The following EYA1 variants were observed in gnomAD, a reference collection of about 807,000 sequenced individuals.
EYA1 encodes EYA transcriptional coactivator and phosphatase 1.
Under a neutral mutation model 82.0 loss-of-function variants are expected in EYA1, and 16 were observed. That is an observed-to-expected ratio of 0.20 (90% CI 0.13 to 0.30). The LOEUF (loss-of-function observed/expected upper bound fraction) is 0.30. Ranked by LOEUF, EYA1 falls within the 10% of genes least tolerant of loss-of-function variation. EYA1 has a pLI of 1.00. For missense variants in EYA1, 633 were observed against 730.7 expected (o/e 0.87, Z 1.54); for synonymous variants, 261 against 264.4 (o/e 0.99, Z 0.12).
intron 12 of EYA1, among the ~76,000 whole-genome samples, chr8:71,222,147 T>G (rs1482360561): frequency 2.6e-5 from 4 of 152,200 alleles, no homozygotes; most frequent in African/African-American, 9.6e-5. Flanking sequence ...TTCTGCCTCA[T>G]GCCCCCCAGT....
chr8:71,404,842 C>T lies in EYA1; in HGVS notation c.34-48331G>A, dbSNP rs189984094. On this transcript the variant is annotated intron_variant, in intron 2 of 18. Transcript: ENST00000643681. ...CTGAGGCAGGAGAACGGCGCGAACCCGGGAGGCGGAGCTTGCAGTGAGCCG... is the reference window on the plus strand; with the variant it reads ...CTGAGGCAGGAGAACGGCGCGAACCTGGGAGGCGGAGCTTGCAGTGAGCCG... 7.3e-3 allele frequency: 1,019 copies of T among 139,180 alleles called. 14 individuals carry two copies. The highest frequency in any genetic ancestry group is 0.027 in the African/African-American group (964 of 35,214). 8.6% of individuals were successfully genotyped at this position (139,180 alleles called of 1,614,324 possible).
chr8:71,545,754 G>A (rs890614928), intron 1 of EYA1, among the ~76,000 whole-genome samples: 1 of 151,538 alleles, frequency 6.6e-6, no homozygotes, highest in Non-Finnish European at 1.5e-5. Flanking sequence ...GTAGTGGCAG[G>A]GTTTCACCCG....
chr8:71,320,145 T>C (rs1322225579), intron 6 of EYA1, among the ~76,000 whole-genome samples: 2 of 152,176 alleles, frequency 1.3e-5, no homozygotes, highest in Non-Finnish European at 2.9e-5. Context: ...CATTCATTAA[T>C]GGTTTAGAAC....
Position 71,199,111 on chromosome 8 carries a change from C to G in EYA1, c.*229G>C. 4 of 600,830 alleles carry G rather than the reference C, an allele frequency of 6.7e-6. No individual in the cohort carries two copies. In the South Asian group the frequency reaches 7.3e-5, roughly 11 times the overall value. The allele number at this position is 600,830 out of a possible 1,614,324, so 37.2% of individuals were successfully genotyped here. A position where few individuals can be genotyped will look rare whatever the true frequency, so the allele number is the denominator to read the frequency against. On this transcript the variant is annotated 3_prime_UTR_variant, in exon 18 of 18. Transcript: ENST00000340726. ...ACACATAACGCTGTGCTAAAACATT[C>G]TCATGGCTTATTTTCACTGGATTCA...
chr8:71,496,321 G>T (rs1174673557), intron 2 of EYA1, among the ~76,000 whole-genome samples: 1 of 152,166 alleles, frequency 6.6e-6, no homozygotes, highest in Non-Finnish European at 1.5e-5. Flanking sequence ...TCACAGTCAG[G>T]TTTATTTTTG....
chr8:71,490,879 A>C (rs541465477), intron 2 of EYA1, among the ~76,000 whole-genome samples: 1 of 152,336 alleles, frequency 6.6e-6, no homozygotes, highest in African/African-American at 2.4e-5. Context: ...AGCACTGACC[A>C]TGAAAGCAGA....
chr8:71,206,069 T>C (rs1469770381), intron 17 of EYA1, among the ~76,000 whole-genome samples: 1 of 152,086 alleles, frequency 6.6e-6, no homozygotes, highest in Non-Finnish European at 1.5e-5. Context: ...AATGTAAAAT[T>C]AGGGGAAAGA....
chr8:71,343,362 G>T (rs978250703), intron 3 of EYA1, among the ~76,000 whole-genome samples: 2 of 152,088 alleles, frequency 1.3e-5, no homozygotes, highest in Non-Finnish European at 2.9e-5. Context: ...CTTAATCCCC[G>T]ATGTGTCAGT....
intron 2 of EYA1, among the ~76,000 whole-genome samples, chr8:71,520,128 A>T (rs1813276400): frequency 6.6e-6 from 1 of 152,178 alleles, no homozygotes; most frequent in Non-Finnish European, 1.5e-5. Context: ...TCCAGCAGGA[A>T]CCTTTTATGA....
At chr8:71,232,708 G>A in intron 12 of EYA1, among the ~76,000 whole-genome samples, 1 of 150,390 alleles carries the variant, frequency 6.6e-6, no homozygotes, top group East Asian at 2.0e-4. Flanking sequence ...TGTGTCTGGT[G>A]TGATTTCTGT....
At chr8:71,440,785 C>A (rs1806376478) in intron 2 of EYA1, among the ~76,000 whole-genome samples, 2 of 151,922 alleles carry the variant, frequency 1.3e-5, no homozygotes, top group South Asian at 4.2e-4. Context: ...GTAAAACAGA[C>A]AGATAAAGTT....
intron 2 of EYA1, among the ~76,000 whole-genome samples, chr8:71,486,313 G>A (rs993790434): frequency 6.6e-6 from 1 of 152,032 alleles, no homozygotes; most frequent in African/African-American, 2.4e-5. Context: ...ACAATCCTGG[G>A]AGGCACACAG....
chr8:71,226,194 C>A (rs1441158405), intron 12 of EYA1, among the ~76,000 whole-genome samples: 1 of 150,588 alleles, frequency 6.6e-6, no homozygotes, highest in Non-Finnish European at 1.5e-5. Context: ...TAGAAGATTG[C>A]ATGAACACAT....
At chr8:71,427,978 C>CAAA (rs66707741) in intron 2 of EYA1, among the ~76,000 whole-genome samples, 4 of 140,330 alleles carry the variant, frequency 2.9e-5, no homozygotes, top group African/African-American at 1.1e-4. Context: ...GACCTTGTCT[C>CAAA]AAAAAAAAAA....
At position 71,453,756 on chromosome 8, in the gene EYA1, C is replaced by T. The variant is rs548775056; in HGVS notation, c.33+81988G>A. On this transcript the variant is annotated intron_variant, in intron 2 of 18. Coordinates refer to the EYA1 transcript ENST00000643681. ...GTCACCACCAGACCTGCCCTACAAG[C>T]GCTCCTGAAGGAAACACTAAACATG... 1.1e-4 allele frequency among the ~76,000 whole-genome samples: 17 copies of T among 152,142 alleles called. No individual in the cohort carries two copies. In the South Asian group the frequency reaches 1.9e-3, roughly 17 times the overall value.
chr8:71,367,233 G>C (rs1827811248), intron 2 of EYA1, among the ~76,000 whole-genome samples: 1 of 151,948 alleles, frequency 6.6e-6, no homozygotes, highest in Non-Finnish European at 1.5e-5. Context: ...TGCATGTCTT[G>C]TTTCATAGTT....
chr8:71,399,773 G>T (rs900544527), intron 2 of EYA1, among the ~76,000 whole-genome samples: 1 of 152,134 alleles, frequency 6.6e-6, no homozygotes, highest in Non-Finnish European at 1.5e-5. Flanking sequence ...CCATTGAAAT[G>T]CTTCACAGGA....
intron 9 of EYA1, among the ~76,000 whole-genome samples, chr8:71,282,938 GTTTTTTT>G (rs11330984): frequency 7.6e-6 from 1 of 131,442 alleles, no homozygotes; most frequent in African/African-American, 2.9e-5. Context: ...ACACCACCTT[GTTTTTTT>G]TTTTTTTTTG....
intron 2 of EYA1, among the ~76,000 whole-genome samples, chr8:71,506,944 A>G (rs1207941747): frequency 1.3e-5 from 2 of 152,074 alleles, no homozygotes; most frequent in African/African-American, 4.8e-5. Context: ...ACATATTAAA[A>G]GTTCATAAAA....
Sources: gnomAD v4.1 joint callset for allele counts (sites outside exome capture counted in the v4.1 genomes callset) on GRCh38, gnomAD v4.1.1 for gene constraint, MANE v1.5 for transcripts, NCBI Gene and HGNC (gene_info 2026-07-23, HGNC 2026-07-21) for gene names.